SLC41A2: variants seen among roughly 807,000 people sequenced by gnomAD.
SLC41A2 encodes the protein solute carrier family 41 member 2, also known as SLC41A1-like 1.
SLC41A2 carries 32 observed loss-of-function variants against 58.3 expected under a neutral mutation model. That is an observed-to-expected ratio of 0.55 (90% CI 0.41 to 0.74). The LOEUF is 0.74. SLC41A2 is among the 30% of genes least tolerant of loss of function. SLC41A2 has a pLI of 0.00. For missense variants in SLC41A2, 514 were observed against 680.6 expected (o/e 0.76, Z 2.72); for synonymous variants, 190 against 235.0 (o/e 0.81, Z 1.75).
intron 1 of SLC41A2, among the ~76,000 whole-genome samples, chr12:104,940,532 TAA>T (rs74199054): frequency 0.039 from 5,612 of 142,292 alleles, 142 homozygotes; most frequent in East Asian, 0.11. Context: ...AAATATAAGC[TAA>T]AAAAAAAAAA....
chr12:104,947,872 A>G (rs750177672), intron 1 of SLC41A2, among the ~76,000 whole-genome samples: 7 of 152,184 alleles, frequency 4.6e-5, no homozygotes, highest in Non-Finnish European at 1.0e-4. Context: ...ATAATTTACA[A>G]ATAAACCAGA....
At chr12:104,811,800 T>C (rs1157648066) in intron 10 of SLC41A2, among the ~76,000 whole-genome samples, 1 of 152,148 alleles carries the variant, frequency 6.6e-6, no homozygotes, top group Non-Finnish European at 1.5e-5. Flanking sequence ...AGAAAAGAAG[T>C]CAGTATGTCC....
At chr12:104,823,705 G>T (rs1394932038) in intron 10 of SLC41A2, among the ~76,000 whole-genome samples, 1 of 152,094 alleles carries the variant, frequency 6.6e-6, no homozygotes, top group African/African-American at 2.4e-5. Context: ...CTGAGGGATA[G>T]GCAAAGATTT....
intron 3 of SLC41A2, among the ~76,000 whole-genome samples, chr12:104,906,430 C>T (rs1018932260): frequency 2.0e-4 from 31 of 152,214 alleles, no homozygotes; most frequent in African/African-American, 7.0e-4. Flanking sequence ...TTTCAAAATG[C>T]AGTACCTATT....
At position 104,934,504 on chromosome 12, in the gene SLC41A2, G is replaced by GA. The variant is rs10592870; in HGVS notation, c.-167-5811dup. 3.9e-3 allele frequency among the ~76,000 whole-genome samples: 575 copies of GA among 148,980 alleles called. 2 individuals are homozygous for GA. Among genetic ancestry groups the GA allele is most frequent in the African/African-American group, 0.012 (496 of 40,802 alleles). On this transcript the variant is annotated intron_variant, in intron 1 of 10. Transcript: ENST00000258538. ...TATTTGTACAAGACAGACGTTTAGA[G>GA]AAAAAAAAAAGAGCATCTACAACAG...
chr12:104,894,182 C>T (rs1038567584), intron 4 of SLC41A2, among the ~76,000 whole-genome samples: 1 of 151,642 alleles, frequency 6.6e-6, no homozygotes, highest in African/African-American at 2.4e-5. Flanking sequence ...GGCGAAACCC[C>T]GTCTCTACAA....
intron 1 of SLC41A2, among the ~76,000 whole-genome samples, chr12:104,953,611 A>C (rs999947673): frequency 1.3e-5 from 2 of 152,236 alleles, no homozygotes; most frequent in Non-Finnish European, 2.9e-5. Context: ...TCCTTAGGAC[A>C]GGACTTTCCC....
chr12:104,815,322 A>G (rs2041346176), intron 10 of SLC41A2, among the ~76,000 whole-genome samples: 1 of 152,220 alleles, frequency 6.6e-6, no homozygotes, highest in Admixed American at 6.5e-5. Context: ...CTGTGTTTTT[A>G]TATCATCTGT....
intron 4 of SLC41A2, among the ~76,000 whole-genome samples, chr12:104,890,519 G>A (rs2044900201): frequency 6.6e-6 from 1 of 152,142 alleles, no homozygotes; most frequent in South Asian, 2.1e-4. Flanking sequence ...ATCATGGTGT[G>A]TATATATGTA....
At position 104,892,310 on chromosome 12, in the gene SLC41A2, ATAAAAT is replaced by A. The variant is rs1565879444; in HGVS notation, c.735+2958_735+2963del. ...GACCTCATCTCAAAAAAAAAATAAA[ATAAAAT>A]AAAATAAAATAAAATAAAATATTGA... On this transcript the variant is annotated intron_variant, in intron 4 of 10. Transcript: ENST00000258538. Among the ~76,000 whole-genome samples the A allele has an allele frequency of 5.7e-3, 781 of 136,804 alleles. 67 individuals are homozygous for A. The highest frequency in any genetic ancestry group is 0.023 in the African/African-American group (713 of 31,058). The allele number at this position is 136,804 out of a possible 152,430, so 89.7% of individuals were successfully genotyped here.
At chr12:104,943,577 G>T (rs2047594943) in intron 1 of SLC41A2, among the ~76,000 whole-genome samples, 3 of 152,210 alleles carry the variant, frequency 2.0e-5, no homozygotes. Context: ...ATACTCCGAT[G>T]TTAATGACAT....
At position 104,804,990 on chromosome 12, in the gene SLC41A2, A is replaced by T; in HGVS notation, c.*162T>A. The T allele has an allele frequency of 1.8e-6, 1 of 569,522 alleles. No homozygotes were observed. The highest frequency in any genetic ancestry group is 3.0e-6 in the Non-Finnish European group (1 of 329,104). 35.3% of individuals were successfully genotyped at this position (569,522 alleles called of 1,614,324 possible). ...ATACTCTTCATTCTGGTTTTGACAC[A>T]AATTCCTTAAAAAAAAATTAAGGCC... On this transcript the variant is annotated 3_prime_UTR_variant, in exon 11 of 11. Coordinates refer to ENST00000258538, the MANE Select transcript of SLC41A2 (RefSeq NM_001352171.3).
chr12:104,805,878 G>C (rs960583176), intron 10 of SLC41A2, among the ~76,000 whole-genome samples: 8 of 152,074 alleles, frequency 5.3e-5, no homozygotes, highest in Non-Finnish European at 8.8e-5. Context: ...TGTAGTTATA[G>C]ATAGATATAT....
intron 4 of SLC41A2, among the ~76,000 whole-genome samples, chr12:104,890,279 A>G (rs2044888012): frequency 2.0e-5 from 3 of 152,186 alleles, no homozygotes; most frequent in African/African-American, 7.2e-5. Flanking sequence ...TTGTATTAAT[A>G]TTACAGCTTC....
intron 3 of SLC41A2, among the ~76,000 whole-genome samples, chr12:104,907,303 C>A (rs1489798306): frequency 6.6e-6 from 1 of 150,896 alleles, no homozygotes; most frequent in Non-Finnish European, 1.5e-5. Context: ...GCCCAAGGAG[C>A]TCCTATTATT....
intron 10 of SLC41A2, among the ~76,000 whole-genome samples, chr12:104,829,041 C>T (rs910811604): frequency 1.1e-4 from 17 of 152,184 alleles, no homozygotes; most frequent in African/African-American, 4.1e-4. Flanking sequence ...CTAGAACTCT[C>T]ATAGTAGTGG....
chr12:104,822,159 CATAT>C (rs1274996827), intron 10 of SLC41A2, among the ~76,000 whole-genome samples: 1 of 152,150 alleles, frequency 6.6e-6, no homozygotes, highest in Non-Finnish European at 1.5e-5. Flanking sequence ...GTGAATGAAG[CATAT>C]ATAAATAACT....
intron 6 of SLC41A2, among the ~76,000 whole-genome samples, chr12:104,871,618 A>G (rs2043781413): frequency 1.3e-5 from 2 of 152,146 alleles, no homozygotes; most frequent in Admixed American, 6.5e-5. Flanking sequence ...TATCCTTCCA[A>G]TATTTCCCCA....
At chr12:104,955,888 T>C (rs2048149367) in intron 1 of SLC41A2, among the ~76,000 whole-genome samples, 1 of 152,154 alleles carries the variant, frequency 6.6e-6, no homozygotes, top group Admixed American at 6.5e-5. Flanking sequence ...AAAATATTTA[T>C]TTACCACCCA....
Sources: allele counts gnomAD v4.1 joint callset (sites outside exome capture counted in the v4.1 genomes callset), GRCh38; gene constraint gnomAD v4.1.1; transcripts MANE v1.5; gene names NCBI Gene and HGNC (gene_info 2026-07-23, HGNC 2026-07-21).